NHS: variants seen among roughly 807,000 people sequenced by gnomAD.
NHS encodes the protein actin remodeling regulator NHS.
In NHS, 5 loss-of-function variants were observed where a neutral mutation model predicts 72.5. The ratio of observed to expected loss-of-function variants is 0.07; its 90% CI spans 0.04 to 0.14. The LOEUF (loss-of-function observed/expected upper bound fraction) is 0.14, where lower values mean the gene tolerates loss of function less well. Ranked by LOEUF, NHS falls within the 10% of genes least tolerant of loss-of-function variation. NHS has a pLI of 1.00. For synonymous variants in NHS, 464 were observed against 547.7 expected (o/e 0.85, Z 2.13); for missense variants, 1,072 against 1,355.7 (o/e 0.79, Z 3.29).
At chrX:17,724,173 T>TA in intron 5 of NHS, 126 bp from the exon 6 acceptor site, 4 of 842,082 alleles carry the variant, frequency 4.8e-6, no homozygotes, top group Non-Finnish European at 7.1e-6. Flanking sequence ...ACAGCTCCCT[T>TA]ATATTTGTTC....
At chrX:17,573,482 C>A (rs1011471519) in intron 1 of NHS, among the ~76,000 whole-genome samples, 1 of 109,221 alleles carries the variant, frequency 9.2e-6, no homozygotes, top group Admixed American at 9.9e-5. Context: ...GCTATTGAAG[C>A]TTATGTATGC....
At chrX:17,592,963 A>G (rs185150567) in intron 1 of NHS, among the ~76,000 whole-genome samples, 1 of 111,810 alleles carries the variant, frequency 8.9e-6, no homozygotes, top group East Asian at 2.8e-4. Flanking sequence ...TTCATCATTC[A>G]CCATAATAAA....
intron 1 of NHS, among the ~76,000 whole-genome samples, chrX:17,461,147 C>T (rs377142867): frequency 6.2e-5 from 7 of 112,246 alleles, no homozygotes; most frequent in South Asian, 7.4e-4. Context: ...CTCAGATCCA[C>T]GTGATCAAGT....
chrX:17,708,652 A>C (rs1400827458), intron 3 of NHS, among the ~76,000 whole-genome samples: 1 of 111,358 alleles, frequency 9.0e-6, no homozygotes, highest in Non-Finnish European at 1.9e-5. Flanking sequence ...TGGGAAACAT[A>C]GTATTTGAGA....
chrX:17,731,527 T>C (rs1221799699), intron 8 of NHS, among the ~76,000 whole-genome samples: 3 of 111,030 alleles, frequency 2.7e-5, no homozygotes, highest in Non-Finnish European at 5.7e-5. Flanking sequence ...TGTGAGCCAC[T>C]GCGCCTGGCT....
intron 1 of NHS, among the ~76,000 whole-genome samples, chrX:17,680,658 G>A (rs973579061): frequency 8.1e-5 from 9 of 111,330 alleles, no homozygotes; most frequent in Non-Finnish European, 1.3e-4. Flanking sequence ...TGGGGTACAC[G>A]TGCAGAACGT....
At position 17,725,559 on chromosome X, in the gene NHS, G is replaced by A. The variant is rs1312938397; in HGVS notation, c.1453G>A (p.Ala485Thr). 8.3e-7 allele frequency: 1 copy of A among 1,211,611 alleles called. No homozygotes were observed. Among genetic ancestry groups the A allele is most frequent in the Non-Finnish European group, 1.1e-6 (1 of 895,495 alleles). Residue 485 changes from alanine (A) to threonine (T), a missense_variant, in exon 7 of 9, where the codon GCC becomes ACC. By Grantham distance (58) the Ala-to-Thr change is moderately conservative (BLOSUM62 0). Transcript: ENST00000676302. Reference protein sequence around the residue: ...SLSHSAGNISALADKGDTMFT... With the variant: ...SLSHSAGNISTLADKGDTMFT... Reference sequence around the variant, plus strand: ...TTCTCATTCTGCTGGCAACATTTCTGCCCTAGCAGACAAAGGTGACACCAT... The same window carrying A: ...TTCTCATTCTGCTGGCAACATTTCTACCCTAGCAGACAAAGGTGACACCAT...
intron 1 of NHS, among the ~76,000 whole-genome samples, chrX:17,519,202 T>TA (rs2065135441): frequency 8.9e-6 from 1 of 111,773 alleles, no homozygotes; most frequent in South Asian, 3.8e-4. Flanking sequence ...CATACTGTGC[T>TA]ATTAAACATG....
Position 17,665,467 on chromosome X carries a change from A to G in NHS, c.566-22275A>G, listed in dbSNP as rs867899711. 5.6e-5 allele frequency among the ~76,000 whole-genome samples: 6 copies of G among 106,871 alleles called. No individual in the cohort carries two copies. In the South Asian group the frequency reaches 2.6e-3, roughly 45 times the overall value. The allele number at this position is 106,871 out of a possible 115,157, so 92.8% of individuals were successfully genotyped here. A position where few individuals can be genotyped will look rare whatever the true frequency, so the allele number is the denominator to read the frequency against. On this transcript the variant is annotated intron_variant, in intron 1 of 8. Transcript: ENST00000676302. ...CTCAGCCTCCCGAGTAGCTGGGACT[A>G]CAGGCGCCCGCCACCTCGCCCGGCT...
chrX:17,567,158 C>T (rs974881434), intron 1 of NHS, among the ~76,000 whole-genome samples: 1 of 112,105 alleles, frequency 8.9e-6, no homozygotes, highest in African/African-American at 3.2e-5. Flanking sequence ...TTACAGAAAC[C>T]GTAAAAGATA....
chrX:17,636,728 C>T (rs1194366771), intron 1 of NHS, among the ~76,000 whole-genome samples: 1 of 112,104 alleles, frequency 8.9e-6, no homozygotes, highest in Non-Finnish European at 1.9e-5. Flanking sequence ...GCTGCCTTTC[C>T]AGGCCATGAT....
intron 1 of NHS, among the ~76,000 whole-genome samples, chrX:17,526,196 G>T (rs1394372927): frequency 8.9e-6 from 1 of 112,842 alleles, no homozygotes; most frequent in African/African-American, 3.2e-5. Flanking sequence ...ATTTAGTGGC[G>T]CTGAACAACA....
chrX:17,542,328 C>T (rs1054954603), intron 1 of NHS, among the ~76,000 whole-genome samples: 5 of 113,359 alleles, frequency 4.4e-5, no homozygotes, highest in African/African-American at 6.4e-5. Flanking sequence ...TGACCTGCTG[C>T]GGCAAAGCAG....
At chrX:17,528,760 T>G (rs987921181) in intron 1 of NHS, 12 of 112,179 alleles carry the variant, frequency 1.1e-4, no homozygotes, top group African/African-American at 3.9e-4. Context: ...ACAACCCCTG[T>G]GAGTATATGT....
At chrX:17,543,391 G>A (rs1408664125) in intron 1 of NHS, among the ~76,000 whole-genome samples, 1 of 112,323 alleles carries the variant, frequency 8.9e-6, no homozygotes, top group Non-Finnish European at 1.9e-5. Context: ...AAAGGCAGAA[G>A]CTAATGCCTG....
At chrX:17,692,605 T>A in intron 3 of NHS, 137 bp downstream of exon 3, 1 of 797,883 alleles carries the variant, frequency 1.3e-6, no homozygotes, top group Non-Finnish European at 1.8e-6. Flanking sequence ...GGGAACAAAT[T>A]AATTTCCCTT....
chrX:17,444,704 C>T lies in NHS; in HGVS notation c.565+68382C>T, dbSNP rs180970964. 9.0e-5 allele frequency among the ~76,000 whole-genome samples: 10 copies of T among 111,383 alleles called. No homozygotes were observed. The East Asian group carries it at 2.6e-3, about 28-fold the overall frequency. ...TTGGGGAGGCAACCCTGGGAATTTA[C>T]CCAGCACACCACAGGCACCCAGAGG... On this transcript the variant is annotated intron_variant, in intron 1 of 8. Coordinates refer to ENST00000676302, the MANE Select transcript of NHS (RefSeq NM_001291867.2).
intron 3 of NHS, among the ~76,000 whole-genome samples, chrX:17,706,490 A>AACACACACAC (rs200289537): frequency 5.1e-5 from 5 of 98,066 alleles, no homozygotes; most frequent in Non-Finnish European, 1.0e-4. Context: ...TCAAAATAGA[A>AACACACACAC]ACACACACAC....
At chrX:17,548,584 A>G (rs779742112) in intron 1 of NHS, among the ~76,000 whole-genome samples, 30 of 111,916 alleles carry the variant, frequency 2.7e-4, no homozygotes, top group East Asian at 5.7e-4. Context: ...ACACACACAC[A>G]CGCACACATT....
Sources: gnomAD v4.1 joint callset for allele counts (sites outside exome capture counted in the v4.1 genomes callset) on GRCh38, gnomAD v4.1.1 for gene constraint, MANE v1.5 for transcripts, NCBI Gene and HGNC (gene_info 2026-07-23, HGNC 2026-07-21) for gene names.